The following RPRD2 variants were observed in gnomAD, a reference collection of about 807,000 sequenced individuals.
RPRD2 encodes regulation of nuclear pre-mRNA domain containing 2, also known as regulation of nuclear pre-mRNA domain-containing protein 2.
RPRD2 carries 12 observed loss-of-function variants against 104.4 expected under a neutral mutation model. The observed-to-expected ratio is 0.11, with a 90% confidence interval of 0.07 to 0.19. The LOEUF (loss-of-function observed/expected upper bound fraction) is 0.19, where lower values mean the gene tolerates loss of function less well. Ranked by LOEUF, RPRD2 falls within the 10% of genes least tolerant of loss-of-function variation. RPRD2 has a pLI of 1.00. For missense variants in RPRD2, 1,543 were observed against 1,790.1 expected, an observed-to-expected ratio of 0.86 and a Z score of 2.49; for synonymous variants, 714 against 684.9, an observed-to-expected ratio of 1.04 and a Z score of -0.66.
intron 1 of RPRD2, among the ~76,000 whole-genome samples, chr1:150,376,555 C>T (rs1660705628): frequency 6.6e-6 from 1 of 150,582 alleles, no homozygotes; most frequent in Non-Finnish European, 1.5e-5. Flanking sequence ...GGCTGGAGTG[C>T]AGTGGCGCCA....
chr1:150,365,044 A>ACCCC, intron 1 of RPRD2, 125 bp downstream of exon 1: 1 of 901,834 alleles, frequency 1.1e-6, no homozygotes, highest in Non-Finnish European at 1.7e-6. Context: ...TAAAGGTTTG[A>ACCCC]CCCCAGTGGT....
intron 1 of RPRD2, among the ~76,000 whole-genome samples, chr1:150,366,817 A>G (rs781864517): frequency 3.9e-5 from 6 of 152,214 alleles, no homozygotes; most frequent in Non-Finnish European, 7.3e-5. Context: ...TTACTGACCT[A>G]TGCAAGCATT....
At chr1:150,392,223 A>G (rs1553883296) in intron 1 of RPRD2, among the ~76,000 whole-genome samples, 1 of 151,814 alleles carries the variant, frequency 6.6e-6, no homozygotes, top group Admixed American at 6.6e-5. Flanking sequence ...AGAGTGATTT[A>G]GGGGTGGGTG....
At chr1:150,432,347 G>A (rs1553892024) in intron 2 of RPRD2, among the ~76,000 whole-genome samples, 1 of 151,996 alleles carries the variant, frequency 6.6e-6, no homozygotes, top group South Asian at 2.1e-4. Context: ...ATCAGGAGCT[G>A]GGAAAAAGAG....
chr1:150,368,797 AG>A (rs1384824913), intron 1 of RPRD2, among the ~76,000 whole-genome samples: 13 of 151,952 alleles, frequency 8.6e-5, no homozygotes, highest in Admixed American at 2.6e-4. Context: ...TTGTAGAGAC[AG>A]GGTTTCACCA....
At chr1:150,371,684 G>T (rs1455013768) in intron 1 of RPRD2, among the ~76,000 whole-genome samples, 1 of 152,152 alleles carries the variant, frequency 6.6e-6, no homozygotes. Context: ...AAGAGGTTAA[G>T]TAACTTGCCC....
rs1271395873 is a variant in RPRD2 at position 150,474,686 on chromosome 1, T to G, written c.*1352T>G. The stretch of plus-strand genomic sequence containing the variant: ...GGGACACTGAAAAGTAAATGTTGCT[T>G]TACTACAATTTTTTTTTAATTTAGT... On this transcript the variant is annotated 3_prime_UTR_variant, in exon 11 of 11. Coordinates refer to ENST00000369068, the MANE Select transcript of RPRD2 (RefSeq NM_015203.5). 1 of 152,176 alleles carries G rather than the reference T, an allele frequency of 6.6e-6. No homozygotes were observed. The highest frequency in any genetic ancestry group is 1.5e-5 in the Non-Finnish European group (1 of 68,026). The allele number at this position is 152,176 out of a possible 1,614,324, so 9.4% of individuals were successfully genotyped here.
intron 7 of RPRD2, among the ~76,000 whole-genome samples, chr1:150,453,947 TG>T (rs1241807215): frequency 6.6e-6 from 1 of 152,194 alleles, no homozygotes; most frequent in Non-Finnish European, 1.5e-5. Context: ...GTTCCACCTC[TG>T]GTTCACTCCA....
chr1:150,401,003 C>T (rs1477227823), intron 1 of RPRD2, among the ~76,000 whole-genome samples: 6 of 151,740 alleles, frequency 4.0e-5, no homozygotes, highest in Non-Finnish European at 8.8e-5. Flanking sequence ...GGTGAAACTC[C>T]GTCTCTACTA....
chr1:150,384,395 G>T (rs12124267), intron 1 of RPRD2, among the ~76,000 whole-genome samples: 3 of 151,368 alleles, frequency 2.0e-5, no homozygotes, highest in African/African-American at 7.3e-5. Flanking sequence ...CAGAAGGCAC[G>T]CATGCATAGC....
intron 10 of RPRD2, among the ~76,000 whole-genome samples, chr1:150,466,583 C>A (rs2102431323): frequency 6.7e-6 from 1 of 149,590 alleles, no homozygotes; most frequent in Admixed American, 6.7e-5. Context: ...ATGAATATAT[C>A]TTTTTTTGTC....
Position 150,400,874 on chromosome 1 carries a change from C to CT in RPRD2, c.206-16711dup, listed in dbSNP as rs200791134. ...GAATTTTATTGAGCCTTTCATAGTA[C>CT]TTTTTTTTTTTAAAAAAAAGAGGGC... On this transcript the variant is annotated intron_variant, in intron 1 of 10. Coordinates refer to ENST00000369068, the MANE Select transcript of RPRD2 (RefSeq NM_015203.5). Among the ~76,000 whole-genome samples, 903 of 148,654 alleles carry CT rather than the reference C, an allele frequency of 6.1e-3. 6 individuals are homozygous for CT. The highest frequency in any genetic ancestry group is 0.025 in the East Asian group (125 of 5,098).
intron 7 of RPRD2, among the ~76,000 whole-genome samples, chr1:150,447,787 C>G (rs1449288475): frequency 6.6e-6 from 1 of 152,102 alleles, no homozygotes; most frequent in Non-Finnish European, 1.5e-5. Context: ...ACTGTAGGTC[C>G]CACCAGTCCT....
chr1:150,459,806 C>T (rs1449016356), intron 8 of RPRD2, among the ~76,000 whole-genome samples: 3 of 152,052 alleles, frequency 2.0e-5, no homozygotes, highest in African/African-American at 7.2e-5. Flanking sequence ...GTTGACCAGG[C>T]TGGTCTCGAA....
chr1:150,372,346 C>T (rs1359672773), intron 1 of RPRD2, among the ~76,000 whole-genome samples: 6 of 152,122 alleles, frequency 3.9e-5, no homozygotes, highest in Middle Eastern at 6.8e-3. Context: ...AAAATTTAGC[C>T]GGGCTTGGTG....
intron 7 of RPRD2, among the ~76,000 whole-genome samples, chr1:150,454,277 G>C (rs1667374730): frequency 3.3e-5 from 5 of 152,020 alleles, no homozygotes; most frequent in Admixed American, 3.3e-4. Context: ...GCCCTCTCTT[G>C]TCCTTTTTGC....
intron 2 of RPRD2, among the ~76,000 whole-genome samples, chr1:150,418,593 A>C (rs1664537821): frequency 2.0e-5 from 3 of 152,228 alleles, no homozygotes; most frequent in African/African-American, 7.2e-5. Context: ...TCAGAGGAAG[A>C]AGGGTTCTGT....
intron 4 of RPRD2, 85 bp from the exon 5 acceptor site, chr1:150,443,146 A>G: frequency 2.3e-6 from 2 of 860,784 alleles, no homozygotes; most frequent in African/African-American, 1.7e-5. Context: ...TTCAGAGTAT[A>G]TCTTTAACTA....
chr1:150,406,032 G>T (rs1553886446), intron 1 of RPRD2, among the ~76,000 whole-genome samples: 1 of 152,120 alleles, frequency 6.6e-6, no homozygotes, highest in Non-Finnish European at 1.5e-5. Context: ...ATAAGACAAT[G>T]AATCATATGC....
Sources: gnomAD v4.1 joint callset for allele counts (sites outside exome capture counted in the v4.1 genomes callset) on GRCh38, gnomAD v4.1.1 for gene constraint, MANE v1.5 for transcripts, NCBI Gene and HGNC (gene_info 2026-07-23, HGNC 2026-07-21) for gene names.